The following RASEF variants were observed in gnomAD, a reference collection of about 807,000 sequenced individuals.
RASEF encodes the protein ras and EF-hand domain-containing protein.
RASEF carries 68 observed loss-of-function variants against 90.1 expected under a neutral mutation model. The ratio of observed to expected loss-of-function variants is 0.75; its 90% confidence interval spans 0.62 to 0.92. The LOEUF is 0.92. Ranked by LOEUF, RASEF falls within the 40% of genes least tolerant of loss-of-function variation. RASEF has a pLI of 0.00. For synonymous variants in RASEF, 331 were observed against 345.2 expected (o/e 0.96, Z 0.46); for missense variants, 949 against 937.2 (o/e 1.01, Z -0.16).
At chr9:83,087,660 T>G in the RASEF span, among the ~76,000 whole-genome samples, 2,338 of 152,208 alleles carry the variant, frequency 0.015, 75 homozygotes, top group African/African-American at 0.053. Context: ...TGTCTATTTT[T>G]CTCTTGGCCA....
At chr9:83,126,229 C>T in the RASEF span, among the ~76,000 whole-genome samples, 1 of 152,054 alleles carries the variant, frequency 6.6e-6, no homozygotes, top group Non-Finnish European at 1.5e-5. Context: ...GTAATTAGGT[C>T]ATGAAGAGGT....
the RASEF span, among the ~76,000 whole-genome samples, chr9:83,174,073 A>T: frequency 6.6e-6 from 1 of 151,838 alleles, no homozygotes; most frequent in East Asian, 1.9e-4. Flanking sequence ...TAGATACATA[A>T]TTTGAAAATA....
At chr9:83,103,087 C>G in the RASEF span, among the ~76,000 whole-genome samples, 7 of 152,204 alleles carry the variant, frequency 4.6e-5, no homozygotes, top group African/African-American at 1.7e-4. Flanking sequence ...AGAAGGGATC[C>G]TCTGCTCTGA....
At chr9:83,198,409 C>T in the RASEF span, among the ~76,000 whole-genome samples, 3 of 96,940 alleles carry the variant, frequency 3.1e-5, no homozygotes, top group Non-Finnish European at 7.0e-5. Context: ...AACCTCTTTC[C>T]TTATACATAA....
the RASEF span, among the ~76,000 whole-genome samples, chr9:83,107,193 C>T: frequency 6.6e-6 from 1 of 152,178 alleles, no homozygotes; most frequent in Non-Finnish European, 1.5e-5. Context: ...CCTACCACCA[C>T]ATTCTTCTGT....
At chr9:83,215,837 G>T in the RASEF span, among the ~76,000 whole-genome samples, 2 of 152,170 alleles carry the variant, frequency 1.3e-5, no homozygotes, top group Non-Finnish European at 2.9e-5. Context: ...CAGAAGACAG[G>T]AAGATATGGG....
the RASEF span, among the ~76,000 whole-genome samples, chr9:83,158,700 A>G: frequency 2.7e-5 from 4 of 148,740 alleles, no homozygotes; most frequent in African/African-American, 9.8e-5. Context: ...ATATGTATAT[A>G]TTTATGTACA....
chr9:83,139,312 G>A, the RASEF span, among the ~76,000 whole-genome samples: 1 of 152,076 alleles, frequency 6.6e-6, no homozygotes, highest in Non-Finnish European at 1.5e-5. Context: ...GAACAACATG[G>A]GGGCTTGGGC....
the RASEF span, among the ~76,000 whole-genome samples, chr9:83,140,868 G>A: frequency 6.6e-6 from 1 of 152,074 alleles, no homozygotes; most frequent in East Asian, 1.9e-4. Flanking sequence ...TAAAAAGGTA[G>A]ATAGGGGCTC....
chr9:83,043,425 T>G (rs1160058968), intron 1 of RASEF, among the ~76,000 whole-genome samples: 7 of 151,696 alleles, frequency 4.6e-5, no homozygotes, highest in African/African-American at 1.7e-4. Context: ...GCTTCTGCAA[T>G]GTAGTAAAAT....
At chr9:83,179,052 C>T in the RASEF span, among the ~76,000 whole-genome samples, 1 of 152,264 alleles carries the variant, frequency 6.6e-6, no homozygotes, top group South Asian at 2.1e-4. Context: ...TTACTACCCT[C>T]ATGACTTTTG....
chr9:83,197,617 A>T, the RASEF span, among the ~76,000 whole-genome samples: 2 of 152,216 alleles, frequency 1.3e-5, no homozygotes, highest in Non-Finnish European at 2.9e-5. Flanking sequence ...ATTCCTCCTG[A>T]GACCACAGAT....
the RASEF span, among the ~76,000 whole-genome samples, chr9:83,162,278 A>C: frequency 3.7e-4 from 57 of 152,196 alleles, no homozygotes; most frequent in Non-Finnish European, 6.5e-4. Context: ...CCATAAAATG[A>C]AGCTTTGAAG....
At chr9:83,035,229 A>G (rs1587511670) in intron 1 of RASEF, among the ~76,000 whole-genome samples, 1 of 152,232 alleles carries the variant, frequency 6.6e-6, no homozygotes, top group African/African-American at 2.4e-5. Flanking sequence ...AGGACATACT[A>G]TCTCTGCTGC....
chr9:83,017,978 T>A (rs1053029543), intron 3 of RASEF, among the ~76,000 whole-genome samples: 2 of 151,754 alleles, frequency 1.3e-5, no homozygotes, highest in Non-Finnish European at 2.9e-5. Context: ...TTTGAGAAAA[T>A]CCAACATCCA....
the RASEF span, among the ~76,000 whole-genome samples, chr9:83,170,533 T>C: frequency 3.9e-5 from 6 of 152,048 alleles, no homozygotes; most frequent in East Asian, 9.6e-4. Flanking sequence ...CTAAAAATAT[T>C]AATTCTTCCA....
the RASEF span, among the ~76,000 whole-genome samples, chr9:83,068,749 G>C: frequency 5.3e-5 from 8 of 152,104 alleles, no homozygotes; most frequent in African/African-American, 1.9e-4. Flanking sequence ...CTAAGTTTGT[G>C]GTCATTTGCT....
the RASEF span, among the ~76,000 whole-genome samples, chr9:83,083,423 A>G: frequency 6.6e-6 from 1 of 152,214 alleles, no homozygotes; most frequent in Non-Finnish European, 1.5e-5. Flanking sequence ...TATCAAGAAA[A>G]CACGAGAATC....
At chr9:83,162,563 C>T in the RASEF span, among the ~76,000 whole-genome samples, 1 of 152,064 alleles carries the variant, frequency 6.6e-6, no homozygotes, top group East Asian at 1.9e-4. Context: ...GCTTCCAGTC[C>T]AGTATGTAGA....
Sources: allele counts gnomAD v4.1 joint callset (sites outside exome capture counted in the v4.1 genomes callset), GRCh38; gene constraint gnomAD v4.1.1; transcripts MANE v1.5; gene names NCBI Gene and HGNC (gene_info 2026-07-23, HGNC 2026-07-21).